KIFC3: variants seen among roughly 807,000 people sequenced by gnomAD.
The protein encoded by KIFC3 is kinesin-like protein KIFC3.
A neutral mutation model predicts 101.8 loss-of-function variants in KIFC3; 60 were observed. That is an observed-to-expected ratio of 0.59 (90% CI 0.48 to 0.73). The LOEUF (loss-of-function observed/expected upper bound fraction) is 0.73, where lower values mean the gene tolerates loss of function less well. Among genes scored for constraint, KIFC3 ranks in the 30% least tolerant of loss-of-function variants. The probability of loss-of-function intolerance (pLI) is 0.00; values close to 1 mark genes in which losing one functional copy is unlikely to be tolerated. For synonymous variants in KIFC3, 476 were observed against 482.7 expected (o/e 0.99, Z 0.18); for missense variants, 966 against 1,137.1 (o/e 0.85, Z 2.16).
At chr16:57,760,220 T>C (rs543410756) in intron 17 of KIFC3, 62 bp downstream of exon 17, 93 of 1,559,600 alleles carry the variant, frequency 6.0e-5, no homozygotes, top group Non-Finnish European at 7.9e-5. Flanking sequence ...TCCCTGCTCC[T>C]GCCATGACCC....
intron 3 of KIFC3, among the ~76,000 whole-genome samples, chr16:57,774,511 T>A (rs1447179255): frequency 6.6e-6 from 1 of 151,876 alleles, no homozygotes; most frequent in Non-Finnish European, 1.5e-5. Flanking sequence ...AAAATCTTTA[T>A]GCTTTTCAGT....
intron 14 of KIFC3, 50 bp from the exon 15 acceptor site, chr16:57,761,221 C>T: frequency 1.9e-6 from 3 of 1,605,588 alleles, no homozygotes; most frequent in Non-Finnish European, 2.6e-6. Context: ...ATGGGGTCCT[C>T]AGAGTCACCT....
In KIFC3 at chr16:57,760,740, G is replaced by T; in HGVS notation, c.2218C>A (p.Leu740Ile). Residue 740 changes from leucine (L) to isoleucine (I), a missense_variant, in exon 16 of 20, where the codon CTC becomes ATC. Coordinates refer to ENST00000445690, the MANE Select transcript of KIFC3 (RefSeq NM_001130100.2). ...QDSLSGDSKT[L>I]MVVQVSPVEK... Reference sequence around the variant, plus strand: ...AAGGTCCTCACCTGTACCACCATGAGGGTCTTGCTGTCACCACTAAGCGAA... The same window carrying T: ...AAGGTCCTCACCTGTACCACCATGATGGTCTTGCTGTCACCACTAAGCGAA... 6.2e-7 allele frequency: 1 copy of T among 1,613,744 alleles called. No homozygotes were observed. Among genetic ancestry groups the T allele is most frequent in the East Asian group, 2.2e-5 (1 of 44,884 alleles).
chr16:57,855,273 C>A (rs1370054931), intron 1 of KIFC3, among the ~76,000 whole-genome samples: 1 of 151,834 alleles, frequency 6.6e-6, no homozygotes, highest in Non-Finnish European at 1.5e-5. Context: ...TACAGGCGTG[C>A]CCCACCACGC....
At chr16:57,834,953 T>C (rs1045487663) in intron 1 of KIFC3, among the ~76,000 whole-genome samples, 2 of 152,190 alleles carry the variant, frequency 1.3e-5, no homozygotes, top group African/African-American at 2.4e-5. Flanking sequence ...CCCAAGGAGG[T>C]AGATCTGAGA....
chr16:57,826,778 T>C (rs1204159849), intron 1 of KIFC3, among the ~76,000 whole-genome samples: 1 of 152,208 alleles, frequency 6.6e-6, no homozygotes, highest in Non-Finnish European at 1.5e-5. Context: ...AGACACACAG[T>C]GGAGTTCAGT....
intron 3 of KIFC3, among the ~76,000 whole-genome samples, chr16:57,790,409 G>A (rs2053774560): frequency 7.5e-6 from 1 of 133,706 alleles, no homozygotes. Flanking sequence ...CATATCAACA[G>A]AGGTTATCTT....
intron 1 of KIFC3, among the ~76,000 whole-genome samples, chr16:57,853,926 C>T (rs550584503): frequency 2.6e-4 from 40 of 152,108 alleles, no homozygotes; most frequent in African/African-American, 9.6e-4. Context: ...AGCCACTGCA[C>T]CTGGCCTTAA....
rs1339127763 is a variant in KIFC3 at position 57,837,556 on chromosome 16, A to AG, written c.108+25172dup. Among the ~76,000 whole-genome samples, 267 of 149,420 alleles carry AG rather than the reference A, an allele frequency of 1.8e-3. 2 individuals carry two copies. Among genetic ancestry groups the AG allele is most frequent in the African/African-American group, 3.3e-3 (129 of 39,588 alleles). On this transcript the variant is annotated intron_variant, in intron 1 of 2. Coordinates refer to the KIFC3 transcript ENST00000563028. Reference sequence around the variant, plus strand: ...GAAAGAAAGAGAAAGGAAGGAAGGAAGAAAGAAAGAAAGAAAGAAAGAAAG... The same window carrying AG: ...GAAAGAAAGAGAAAGGAAGGAAGGAAGGAAAGAAAGAAAGAAAGAAAGAAAG...
intron 1 of KIFC3, among the ~76,000 whole-genome samples, chr16:57,841,620 T>C (rs1204066395): frequency 6.6e-6 from 1 of 152,094 alleles, no homozygotes; most frequent in African/African-American, 2.4e-5. Context: ...TGATCTGAGA[T>C]CGTGCCACTG....
At chr16:57,767,102 G>A (rs2050583226) in intron 9 of KIFC3, 117 bp from the exon 10 acceptor site, 3 of 723,648 alleles carry the variant, frequency 4.1e-6, no homozygotes, top group Admixed American at 4.3e-5. Flanking sequence ...CCTGACACAC[G>A]CTGTCACATG....
chr16:57,759,293 T>C, intron 18 of KIFC3, 140 bp from the exon 19 acceptor site: 1 of 1,016,284 alleles, frequency 9.8e-7, no homozygotes, highest in South Asian at 1.5e-5. Flanking sequence ...GCTGGAGCCC[T>C]GGGTCCCGGT....
intron 18 of KIFC3, chr16:57,759,412 GC>G: frequency 1.7e-6 from 1 of 594,106 alleles, no homozygotes; most frequent in South Asian, 2.0e-5. Flanking sequence ...TCTGGAGGGG[GC>G]TTACTGCACA....
At chr16:57,838,171 A>G (rs1481980698) in intron 1 of KIFC3, among the ~76,000 whole-genome samples, 1 of 152,184 alleles carries the variant, frequency 6.6e-6, no homozygotes, top group Non-Finnish European at 1.5e-5. Flanking sequence ...CCAAAGAACA[A>G]AGAGAAAAAT....
At chr16:57,775,979 C>A (rs1326227877) in intron 3 of KIFC3, 2 of 985,508 alleles carry the variant, frequency 2.0e-6, no homozygotes, top group Middle Eastern at 5.2e-4. Context: ...TGTCTGCCGG[C>A]TTGACACCAC....
chr16:57,785,417 C>G, intron 3 of KIFC3: 1 of 1,212,562 alleles, frequency 8.2e-7, no homozygotes, highest in Non-Finnish European at 1.1e-6. Flanking sequence ...CTCTGACCTG[C>G]TCCATAGTGG....
chr16:57,775,386 C>T, intron 3 of KIFC3: 7 of 1,068,468 alleles, frequency 6.6e-6, no homozygotes, highest in Non-Finnish European at 7.9e-6. Context: ...GCACCAGTGG[C>T]CTGCTCCGTG....
chr16:57,795,282 A>G, intron 2 of KIFC3, 141 bp from the exon 3 acceptor site: 2 of 1,015,830 alleles, frequency 2.0e-6, no homozygotes, highest in Non-Finnish European at 2.8e-6. Flanking sequence ...AGGGGCTCAC[A>G]CACCCAAAAA....
chr16:57,815,370 A>G (rs1351693419), intron 1 of KIFC3: 28 of 1,068,654 alleles, frequency 2.6e-5, no homozygotes, highest in Non-Finnish European at 3.1e-5. Context: ...CCACAGGTAC[A>G]TCTCTGTGCT....
Sources: allele counts gnomAD v4.1 joint callset (sites outside exome capture counted in the v4.1 genomes callset), GRCh38; gene constraint gnomAD v4.1.1; transcripts MANE v1.5; gene names NCBI Gene and HGNC (gene_info 2026-07-23, HGNC 2026-07-21).